The following ZNF385D variants were observed in gnomAD, a reference collection of about 807,000 sequenced individuals.
The protein encoded by ZNF385D is zinc finger protein 659.
In ZNF385D, 15 loss-of-function variants were observed where a neutral mutation model predicts 35.8. The ratio of observed to expected loss-of-function variants is 0.42; its 90% CI spans 0.28 to 0.64. The LOEUF (loss-of-function observed/expected upper bound fraction) is 0.64, where lower values mean the gene tolerates loss of function less well. ZNF385D is among the 30% of genes least tolerant of loss of function. The pLI, the probability that ZNF385D is intolerant of heterozygous loss-of-function variation, is 0.23. For missense variants in ZNF385D, 474 were observed against 494.6 expected (o/e 0.96, Z 0.39); for synonymous variants, 212 against 186.8 (o/e 1.13, Z -1.10).
At chr3:22,297,631 G>C (rs897427075) in intron 2 of ZNF385D, among the ~76,000 whole-genome samples, 1 of 152,036 alleles carries the variant, frequency 6.6e-6, no homozygotes, top group East Asian at 1.9e-4. Flanking sequence ...GGAGCAATGA[G>C]TAATCTGACC....
chr3:21,775,670 T>C (rs1377009658), intron 3 of ZNF385D, among the ~76,000 whole-genome samples: 1 of 151,908 alleles, frequency 6.6e-6, no homozygotes, highest in Non-Finnish European at 1.5e-5. Flanking sequence ...TTTGTTGTTT[T>C]TGTATTCCCC....
intron 4 of ZNF385D, among the ~76,000 whole-genome samples, chr3:21,506,460 T>C (rs1450030895): frequency 6.6e-6 from 1 of 152,066 alleles, no homozygotes; most frequent in African/African-American, 2.4e-5. Flanking sequence ...TCCCTAAGAA[T>C]CAAAAGTAAA....
intron 3 of ZNF385D, among the ~76,000 whole-genome samples, chr3:21,884,274 G>T (rs141522275): frequency 0.016 from 2,501 of 152,104 alleles, 28 homozygotes; most frequent in Non-Finnish European, 0.025. Context: ...CAGGCACTTA[G>T]CACAGAGTGT....
intron 2 of ZNF385D, among the ~76,000 whole-genome samples, chr3:21,566,724 T>C (rs1402576111): frequency 2.6e-5 from 4 of 152,186 alleles, no homozygotes; most frequent in Admixed American, 6.5e-5. Flanking sequence ...TTACATACAA[T>C]AAAAATCACC....
chr3:21,716,801 T>C (rs530108588), intron 1 of ZNF385D, among the ~76,000 whole-genome samples: 4 of 152,302 alleles, frequency 2.6e-5, no homozygotes, highest in African/African-American at 9.6e-5. Flanking sequence ...TTTTGTTTTG[T>C]TTTGTTCATT....
intron 2 of ZNF385D, among the ~76,000 whole-genome samples, chr3:22,354,024 T>C (rs1360454687): frequency 6.6e-6 from 1 of 151,528 alleles, no homozygotes; most frequent in Non-Finnish European, 1.5e-5. Context: ...GCCTTTTTCT[T>C]GCATTATCTT....
chr3:21,880,277 T>C (rs1441769822), intron 3 of ZNF385D, among the ~76,000 whole-genome samples: 2 of 152,054 alleles, frequency 1.3e-5, no homozygotes, highest in Non-Finnish European at 2.9e-5. Context: ...GTTTCACAGA[T>C]ACTGTGTTTG....
intron 2 of ZNF385D, among the ~76,000 whole-genome samples, chr3:22,243,828 A>G (rs1699621896): frequency 6.6e-6 from 1 of 150,766 alleles, no homozygotes; most frequent in African/African-American, 2.5e-5. Flanking sequence ...TACTCCAGAT[A>G]TGTCAAGGGT....
intron 2 of ZNF385D, among the ~76,000 whole-genome samples, chr3:21,591,795 G>GT (rs1375880261): frequency 2.0e-5 from 3 of 152,156 alleles, no homozygotes; most frequent in Middle Eastern, 3.4e-3. Context: ...ATTCAGAACA[G>GT]TTTTTTTCCA....
chr3:22,254,505 AT>A (rs1700216301), intron 2 of ZNF385D, among the ~76,000 whole-genome samples: 1 of 151,760 alleles, frequency 6.6e-6, no homozygotes, highest in Non-Finnish European at 1.5e-5. Flanking sequence ...TTCTTTACAC[AT>A]TTCATTATAA....
At chr3:21,458,735 T>G (rs1702980625) in intron 4 of ZNF385D, among the ~76,000 whole-genome samples, 1 of 145,694 alleles carries the variant, frequency 6.9e-6, no homozygotes, top group South Asian at 2.2e-4. Flanking sequence ...ATAGGAAATA[T>G]CCAGCATAGG....
intron 3 of ZNF385D, among the ~76,000 whole-genome samples, chr3:22,002,197 A>C (rs1258030025): frequency 6.6e-6 from 1 of 152,024 alleles, no homozygotes; most frequent in South Asian, 2.1e-4. Flanking sequence ...ATGCACTATT[A>C]GCTCAACTAA....
chr3:22,227,378 C>A (rs1470624967), intron 2 of ZNF385D, among the ~76,000 whole-genome samples: 1 of 152,050 alleles, frequency 6.6e-6, no homozygotes, highest in Non-Finnish European at 1.5e-5. Flanking sequence ...GTCATAAGAC[C>A]CTCATTTCAG....
chr3:22,169,068 A>T (rs1384099970), intron 2 of ZNF385D: 2 of 956,082 alleles, frequency 2.1e-6, no homozygotes, highest in Admixed American at 6.2e-5. Flanking sequence ...GAACAAGCAG[A>T]TCAAGATTTT....
intron 2 of ZNF385D, among the ~76,000 whole-genome samples, chr3:21,603,704 A>C (rs1441292643): frequency 6.6e-6 from 1 of 152,180 alleles, no homozygotes; most frequent in Non-Finnish European, 1.5e-5. Context: ...AAAAAGTACA[A>C]GTAGTAATCA....
upstream of ZNF385D, among the ~76,000 whole-genome samples, chr3:21,756,096 T>C (rs1374289098): frequency 6.6e-6 from 1 of 152,204 alleles, no homozygotes; most frequent in Non-Finnish European, 1.5e-5. Flanking sequence ...ACAAGTTCAC[T>C]ATGACTGACG....
At chr3:21,780,234 C>G (rs1044103193) in intron 3 of ZNF385D, among the ~76,000 whole-genome samples, 2 of 152,026 alleles carry the variant, frequency 1.3e-5, no homozygotes, top group Non-Finnish European at 2.9e-5. Context: ...ACTTCAACCT[C>G]TTTAACAATC....
At position 22,315,085 on chromosome 3, in the gene ZNF385D, G is replaced by T. The variant is rs79979771; in HGVS notation, c.106+57365C>A. Among the ~76,000 whole-genome samples, 385 of 152,242 alleles carry T rather than the reference G, an allele frequency of 2.5e-3. 2 individuals carry two copies. The highest frequency in any genetic ancestry group is 9.0e-3 in the African/African-American group (372 of 41,536). On this transcript the variant is annotated intron_variant, in intron 2 of 5. Coordinates refer to the ZNF385D transcript ENST00000494108. The stretch of plus-strand genomic sequence containing the variant: ...GCACAAAACCCAGGTTATCGTGATA[G>T]GTAATATTCACAAATAGAGAACGTA...
intron 3 of ZNF385D, among the ~76,000 whole-genome samples, chr3:21,982,713 T>A (rs551634249): frequency 6.6e-6 from 1 of 152,324 alleles, no homozygotes; most frequent in South Asian, 2.1e-4. Context: ...TAACATTGAC[T>A]GTGGATTTGT....
Sources: gnomAD v4.1 joint callset for allele counts (sites outside exome capture counted in the v4.1 genomes callset) on GRCh38, gnomAD v4.1.1 for gene constraint, MANE v1.5 for transcripts, NCBI Gene and HGNC (gene_info 2026-07-23, HGNC 2026-07-21) for gene names.